Variants in MAL2 observed in about 807,000 individuals in gnomAD.
MAL2 encodes the protein mal, T cell differentiation protein 2, also known as protein MAL2.
A neutral mutation model predicts 18.1 loss-of-function variants in MAL2; 17 were observed. That is an observed-to-expected ratio of 0.94 (90% confidence interval 0.64 to 1.41). The LOEUF is 1.41. Ranked by LOEUF, MAL2 falls within the 40% of genes most tolerant of loss-of-function variation. The pLI, the probability that MAL2 is intolerant of heterozygous loss-of-function variation, is 0.00. For synonymous variants in MAL2, 102 were observed against 102.3 expected (o/e 1.00, Z 0.02); for missense variants, 222 against 231.9 (o/e 0.96, Z 0.28).
intron 2 of MAL2, among the ~76,000 whole-genome samples, chr8:119,228,753 C>T (rs375055730): frequency 1.6e-4 from 24 of 152,092 alleles, no homozygotes; most frequent in East Asian, 7.7e-4. Flanking sequence ...CATAAATCCT[C>T]GATGCCCTAG....
chr8:119,208,774 G>A lies in MAL2; in HGVS notation c.132+170G>A. 1 of 1,082,670 alleles carries A rather than the reference G, an allele frequency of 9.2e-7. No homozygotes were observed. Among genetic ancestry groups the A allele is most frequent in the Non-Finnish European group, 1.2e-6 (1 of 856,110 alleles). The allele number at this position is 1,082,670 out of a possible 1,614,324, so 67.1% of individuals were successfully genotyped here. On this transcript the variant is annotated intron_variant, in intron 1 of 3. Transcript: ENST00000614891. The surrounding 1 kb of genome is among the most constrained non-coding windows in gnomAD (Gnocchi z 4.3). ...TCTCGGTGCCCCGCGCCGCCGCCCGGGCCCTCCCTCCTAGCACCTGTTACG... is the reference window on the plus strand; with the variant it reads ...TCTCGGTGCCCCGCGCCGCCGCCCGAGCCCTCCCTCCTAGCACCTGTTACG...
chr8:119,212,020 CTATA>C (rs1347252855), intron 1 of MAL2, among the ~76,000 whole-genome samples: 1 of 152,142 alleles, frequency 6.6e-6, no homozygotes, highest in African/African-American at 2.4e-5. Context: ...CCAGAAAGAC[CTATA>C]ACCTAGTTGA....
intron 2 of MAL2, among the ~76,000 whole-genome samples, chr8:119,229,415 C>T (rs1049844933): frequency 2.0e-5 from 3 of 150,974 alleles, no homozygotes; most frequent in Non-Finnish European, 4.4e-5. Context: ...TGGATTCAAG[C>T]GATTCTTCTG....
At chr8:119,226,404 C>T (rs371462186) in intron 2 of MAL2, among the ~76,000 whole-genome samples, 1 of 148,932 alleles carries the variant, frequency 6.7e-6, no homozygotes, top group African/African-American at 2.5e-5. Flanking sequence ...GAATCCTTTC[C>T]CCCCCTTTTT....
chr8:119,239,755 C>T (rs563575033), intron 2 of MAL2, among the ~76,000 whole-genome samples: 6 of 148,582 alleles, frequency 4.0e-5, no homozygotes, highest in Admixed American at 6.6e-5. Context: ...GAACATCACA[C>T]TCTGGGGACT....
In MAL2 at chr8:119,231,715, A is replaced by G. The variant is rs921075881; in HGVS notation, c.304-8450A>G. The stretch of plus-strand genomic sequence containing the variant: ...AGGCCAGTAGATGAATGGATAAAGA[A>G]AATGCAGTATATATTCACAATACTA... On this transcript the variant is annotated intron_variant, in intron 2 of 3. Coordinates refer to ENST00000614891, the MANE Select transcript of MAL2 (RefSeq NM_052886.3). Among the ~76,000 whole-genome samples the G allele has an allele frequency of 7.4e-4, 113 of 152,246 alleles. 2 individuals are homozygous for G. Among genetic ancestry groups the G allele is most frequent in the Non-Finnish European group, 2.9e-5 (2 of 68,042 alleles).
chr8:119,234,265 G>A (rs916178738), intron 2 of MAL2, among the ~76,000 whole-genome samples: 1 of 152,134 alleles, frequency 6.6e-6, no homozygotes, highest in Non-Finnish European at 1.5e-5. Context: ...TTAAAAAACG[G>A]CGCACCACGA....
intron 2 of MAL2, among the ~76,000 whole-genome samples, chr8:119,237,327 A>G (rs1053945703): frequency 6.6e-6 from 1 of 151,726 alleles, no homozygotes; most frequent in Non-Finnish European, 1.5e-5. Context: ...GTCCAGGACC[A>G]GATGGATTCA....
chr8:119,225,767 C>T (rs1817582013), intron 2 of MAL2, among the ~76,000 whole-genome samples: 1 of 152,186 alleles, frequency 6.6e-6, no homozygotes. Flanking sequence ...TTCTCCACAT[C>T]CTCTCCAGCA....
At chr8:119,219,554 TGA>T (rs1427997027) in intron 1 of MAL2, among the ~76,000 whole-genome samples, 12 of 145,228 alleles carry the variant, frequency 8.3e-5, no homozygotes, top group African/African-American at 2.8e-4. Flanking sequence ...TGTGTGTGTG[TGA>T]GAGAGAGAGA....
rs1398576629 is a variant in MAL2, at chr8:119,208,735, C to CCCTCCCGGGGT, written c.132+136_132+146dup. ...CTTCGACGTGGCTTTGTCCTGCGCT[C>CCCTCCCGGGGT]CCTCCCGGGGTCCTCTCGGTGCCCC... On this transcript the variant is annotated intron_variant, in intron 1 of 3. Coordinates refer to ENST00000614891, the MANE Select transcript of MAL2 (RefSeq NM_052886.3). This position sits in a 1 kb window ranked among gnomAD's most constrained non-coding sequence, Gnocchi z 4.3. 8.3e-7 allele frequency: 1 copy of CCCTCCCGGGGT among 1,207,492 alleles called. No individual in the cohort carries two copies. Among genetic ancestry groups the CCCTCCCGGGGT allele is most frequent in the Non-Finnish European group, 1.0e-6 (1 of 970,190 alleles). 74.8% of individuals were successfully genotyped at this position (1,207,492 alleles called of 1,614,324 possible). A position where few individuals can be genotyped will look rare whatever the true frequency, so the allele number is the denominator to read the frequency against.
chr8:119,231,018 A>G (rs562364196), intron 2 of MAL2, among the ~76,000 whole-genome samples: 84 of 151,766 alleles, frequency 5.5e-4, no homozygotes, highest in Non-Finnish European at 1.0e-3. Flanking sequence ...TAGATGTGAG[A>G]ACAGTTTTTT....
At chr8:119,237,851 T>C (rs1817944374) in intron 2 of MAL2, among the ~76,000 whole-genome samples, 1 of 152,076 alleles carries the variant, frequency 6.6e-6, no homozygotes, top group Admixed American at 6.5e-5. Context: ...GGGCAAAAAC[T>C]GGAAGCATTC....
chr8:119,210,930 A>G (rs1463637261), intron 1 of MAL2, among the ~76,000 whole-genome samples: 2 of 152,146 alleles, frequency 1.3e-5, no homozygotes, highest in African/African-American at 4.8e-5. Context: ...GAAACTGGTG[A>G]CGTTAGAGAA....
intron 2 of MAL2, among the ~76,000 whole-genome samples, chr8:119,227,489 C>A (rs1280935816): frequency 6.6e-6 from 1 of 152,154 alleles, no homozygotes; most frequent in African/African-American, 2.4e-5. Flanking sequence ...GCACAAGTGG[C>A]CAAGCACTAG....
intron 2 of MAL2, chr8:119,224,393 G>A (rs1587127558): frequency 6.6e-6 from 1 of 152,004 alleles, no homozygotes; most frequent in Non-Finnish European, 1.5e-5. Context: ...TAGGGGAAGG[G>A]TACTAAGGAA....
At chr8:119,235,496 C>T (rs201215966) in intron 2 of MAL2, among the ~76,000 whole-genome samples, 21 of 151,810 alleles carry the variant, frequency 1.4e-4, no homozygotes, top group African/African-American at 2.7e-4. Context: ...CACATAATTG[C>T]CAGATTCACC....
At chr8:119,211,533 T>C (rs1817268280) in intron 1 of MAL2, among the ~76,000 whole-genome samples, 1 of 152,098 alleles carries the variant, frequency 6.6e-6, no homozygotes, top group Admixed American at 6.5e-5. Flanking sequence ...AAGTATTCAT[T>C]CCCAATTCCC....
chr8:119,242,828 T>G (rs1186611696), intron 3 of MAL2, among the ~76,000 whole-genome samples: 1 of 152,198 alleles, frequency 6.6e-6, no homozygotes, highest in Non-Finnish European at 1.5e-5. Context: ...CTACTGTTTG[T>G]TTATATGTAC....
Sources: allele counts gnomAD v4.1 joint callset (sites outside exome capture counted in the v4.1 genomes callset), GRCh38; gene constraint gnomAD v4.1.1; non-coding constraint Gnocchi (gnomAD v3.1); transcripts MANE v1.5; gene names NCBI Gene and HGNC (gene_info 2026-07-23, HGNC 2026-07-21).